The following ATP8A2 variants were observed in gnomAD, a reference collection of about 807,000 sequenced individuals.
ATP8A2 encodes the protein phospholipid-transporting ATPase IB.
ATP8A2 carries 100 observed loss-of-function variants against 165.6 expected under a neutral mutation model. That is an observed-to-expected ratio of 0.60 (90% CI 0.51 to 0.71). ATP8A2 has a LOEUF of 0.71. ATP8A2 is among the 30% of genes least tolerant of loss of function. The pLI, the probability that ATP8A2 is intolerant of heterozygous loss-of-function variation, is 0.00. For synonymous variants in ATP8A2, 543 were observed against 548.8 expected (o/e 0.99, Z 0.15); for missense variants, 1,227 against 1,479.5 (o/e 0.83, Z 2.80).
At chr13:25,476,462 A>C (rs1198919893) in intron 2 of ATP8A2, among the ~76,000 whole-genome samples, 2 of 151,904 alleles carry the variant, frequency 1.3e-5, no homozygotes, top group African/African-American at 2.4e-5. Context: ...CTAATTTTTG[A>C]ATTTTTGGTA....
At chr13:25,959,968 G>A (rs1955621072) in intron 33 of ATP8A2, among the ~76,000 whole-genome samples, 2 of 152,230 alleles carry the variant, frequency 1.3e-5, no homozygotes, top group Non-Finnish European at 2.9e-5. Context: ...TTGGTTGTTT[G>A]AAAAGGAAAG....
At chr13:25,447,204 G>T (rs1428877996) in intron 1 of ATP8A2, among the ~76,000 whole-genome samples, 1 of 151,888 alleles carries the variant, frequency 6.6e-6, no homozygotes, top group Non-Finnish European at 1.5e-5. Context: ...TTTTTGGGGG[G>T]TTAACCTGGG....
At chr13:25,534,301 G>A in intron 6 of ATP8A2, 2 of 483,824 alleles carry the variant, frequency 4.1e-6, no homozygotes, top group Non-Finnish European at 8.5e-6. Flanking sequence ...GTTTGGAAAG[G>A]TCATGGTTCT....
intron 2 of ATP8A2, among the ~76,000 whole-genome samples, chr13:25,490,704 G>A (rs2036499271): frequency 6.6e-6 from 1 of 150,742 alleles, no homozygotes; most frequent in Admixed American, 6.6e-5. Flanking sequence ...AATAATTGCC[G>A]TGACTACTAA....
rs116615326 is a variant in ATP8A2 at position 25,537,438 on chromosome 13, A to G, written c.508-550A>G. 6.9e-3 allele frequency among the ~76,000 whole-genome samples: 1,052 copies of G among 152,296 alleles called. 12 individuals are homozygous for G. Among genetic ancestry groups the G allele is most frequent in the African/African-American group, 0.024 (993 of 41,542 alleles). On this transcript the variant is annotated intron_variant, in intron 6 of 36. Transcript: ENST00000381655. ...CAATTTGTAAAACAGAGAAAAATTT[A>G]TAAAACAGAGAAAAATTTATGTGTG...
chr13:25,747,144 G>A (rs763701050), intron 25 of ATP8A2, among the ~76,000 whole-genome samples: 1 of 152,158 alleles, frequency 6.6e-6, no homozygotes, highest in Non-Finnish European at 1.5e-5. Context: ...TTGTTTTCCT[G>A]TATACATATA....
intron 19 of ATP8A2, among the ~76,000 whole-genome samples, chr13:25,575,302 G>A (rs184512942): frequency 1.3e-5 from 2 of 152,292 alleles, no homozygotes. Flanking sequence ...ATTAGAGGCT[G>A]GGTCCACGTA....
intron 24 of ATP8A2, among the ~76,000 whole-genome samples, chr13:25,664,651 C>T (rs774131740): frequency 1.2e-4 from 18 of 152,066 alleles, no homozygotes; most frequent in Non-Finnish European, 2.1e-4. Flanking sequence ...TCTTGTGCAT[C>T]CAAAACCAGG....
At chr13:25,707,558 A>G (rs950705489) in intron 25 of ATP8A2, among the ~76,000 whole-genome samples, 2 of 152,250 alleles carry the variant, frequency 1.3e-5, no homozygotes, top group Non-Finnish European at 2.9e-5. Context: ...TTAGTATAAG[A>G]TTGAAAATAC....
intron 33 of ATP8A2, among the ~76,000 whole-genome samples, chr13:25,923,346 C>T (rs780174562): frequency 4.6e-5 from 7 of 152,172 alleles, no homozygotes; most frequent in Non-Finnish European, 7.3e-5. Context: ...AGCCAGCACA[C>T]CGCAAGACAT....
intron 29 of ATP8A2, among the ~76,000 whole-genome samples, chr13:25,839,179 T>A (rs992924519): frequency 2.0e-5 from 3 of 152,198 alleles, no homozygotes; most frequent in African/African-American, 7.2e-5. Flanking sequence ...TCTTAACAAT[T>A]TTGACCTAGT....
intron 35 of ATP8A2, among the ~76,000 whole-genome samples, chr13:25,999,908 A>G (rs1956601110): frequency 6.6e-6 from 1 of 152,208 alleles, no homozygotes; most frequent in Non-Finnish European, 1.5e-5. Context: ...TTTAGGCTGG[A>G]AAACCGATTT....
At chr13:25,421,019 G>C (rs141611382) in intron 1 of ATP8A2, among the ~76,000 whole-genome samples, 239 of 152,304 alleles carry the variant, frequency 1.6e-3, no homozygotes, top group African/African-American at 5.3e-3. Context: ...CTTTGATTGA[G>C]GTTCTAAGAC....
intron 23 of ATP8A2, among the ~76,000 whole-genome samples, chr13:25,584,593 A>G (rs552419605): frequency 1.5e-4 from 23 of 152,322 alleles, no homozygotes; most frequent in African/African-American, 2.9e-4. Context: ...ATATTTACAT[A>G]TGAACATTCT....
At chr13:25,559,602 G>A in intron 14 of ATP8A2, 119 bp from the exon 15 acceptor site, 1 of 766,920 alleles carries the variant, frequency 1.3e-6, no homozygotes, top group Admixed American at 2.2e-5. Context: ...AACTTGGTAA[G>A]AAGTCCCTGA....
rs2032478972 is a variant in ATP8A2 at position 25,372,932 on chromosome 13, C to A, written c.76+644C>A. On this transcript the variant is annotated intron_variant, in intron 1 of 36. Coordinates refer to ENST00000381655, the MANE Select transcript of ATP8A2 (RefSeq NM_016529.6). The surrounding 1 kb of genome is among the most constrained non-coding windows in gnomAD (Gnocchi z 4.8). ...ACGTACACACGCACGCGTACACATA[C>A]CCTGCCTGCAGGCGCCTGGGTGTTG... is the stretch of plus-strand genomic sequence containing the variant. Among the ~76,000 whole-genome samples the A allele has an allele frequency of 6.6e-6, 1 of 152,180 alleles. No homozygotes were observed. Among genetic ancestry groups the A allele is most frequent in the Non-Finnish European group, 1.5e-5 (1 of 68,036 alleles).
intron 27 of ATP8A2, among the ~76,000 whole-genome samples, chr13:25,806,091 A>G (rs1168903250): frequency 1.3e-5 from 2 of 152,114 alleles, no homozygotes; most frequent in Non-Finnish European, 2.9e-5. Context: ...TGCTTGCTTT[A>G]CAAAGAAACA....
At chr13:25,743,439 G>C (rs1475819518) in intron 25 of ATP8A2, among the ~76,000 whole-genome samples, 1 of 152,018 alleles carries the variant, frequency 6.6e-6, no homozygotes, top group Non-Finnish European at 1.5e-5. Context: ...ACTAATACAA[G>C]GGGAGATGTT....
chr13:25,822,949 AT>A (rs760871124), intron 27 of ATP8A2, among the ~76,000 whole-genome samples: 1 of 152,264 alleles, frequency 6.6e-6, no homozygotes, highest in Non-Finnish European at 1.5e-5. Context: ...TACTATGGTA[AT>A]TTATCATGTG....
Sources: allele counts gnomAD v4.1 joint callset (sites outside exome capture counted in the v4.1 genomes callset), GRCh38; gene constraint gnomAD v4.1.1; non-coding constraint Gnocchi (gnomAD v3.1); transcripts MANE v1.5; gene names NCBI Gene and HGNC (gene_info 2026-07-23, HGNC 2026-07-21).